MACROD2: variants seen among roughly 807,000 people sequenced by gnomAD.
MACROD2 encodes the protein mono-ADP ribosylhydrolase 2, also known as ADP-ribose glycohydrolase MACROD2.
MACROD2 carries 36 observed loss-of-function variants against 70.4 expected under a neutral mutation model. The observed-to-expected ratio is 0.51, with a 90% CI of 0.39 to 0.68. The LOEUF is 0.68. MACROD2 is among the 30% of genes least tolerant of loss of function. The pLI is 0.00. For missense variants in MACROD2, 496 were observed against 538.4 expected (o/e 0.92, Z 0.78); for synonymous variants, 172 against 178.8 (o/e 0.96, Z 0.30).
intron 8 of MACROD2, among the ~76,000 whole-genome samples, chr20:15,577,090 G>A (rs993465989): frequency 5.9e-5 from 9 of 151,886 alleles, no homozygotes; most frequent in Admixed American, 4.6e-4. Context: ...GTCATATTAC[G>A]AATGCAAAAT....
intron 3 of MACROD2, among the ~76,000 whole-genome samples, chr20:14,121,099 ATTAGC>A (rs2054583340): frequency 6.6e-6 from 1 of 152,152 alleles, no homozygotes; most frequent in Admixed American, 6.5e-5. Context: ...TATTGTTTCT[ATTAGC>A]TTAAGTTAAG....
intron 3 of MACROD2, among the ~76,000 whole-genome samples, chr20:14,473,882 G>A (rs2084559288): frequency 6.6e-6 from 1 of 151,908 alleles, no homozygotes; most frequent in Non-Finnish European, 1.5e-5. Flanking sequence ...GTTTTTATAT[G>A]CATTTCCCTG....
At chr20:15,669,070 T>C (rs1252907004) in intron 8 of MACROD2, among the ~76,000 whole-genome samples, 1 of 152,176 alleles carries the variant, frequency 6.6e-6, no homozygotes, top group Non-Finnish European at 1.5e-5. Context: ...TAAAACAATA[T>C]ATACTCCAAC....
chr20:14,279,127 T>G (rs1230472944), intron 3 of MACROD2, among the ~76,000 whole-genome samples: 2 of 152,190 alleles, frequency 1.3e-5, no homozygotes, highest in Non-Finnish European at 2.9e-5. Context: ...ATTGATGTGT[T>G]GTACATGGGG....
intron 3 of MACROD2, among the ~76,000 whole-genome samples, chr20:14,102,418 G>T (rs1038549308): frequency 2.0e-5 from 3 of 151,988 alleles, no homozygotes; most frequent in African/African-American, 7.3e-5. Context: ...TCTTAATTTG[G>T]GATAACCATC....
At chr20:14,364,889 A>T (rs1474093538) in intron 3 of MACROD2, among the ~76,000 whole-genome samples, 1 of 152,152 alleles carries the variant, frequency 6.6e-6, no homozygotes, top group Non-Finnish European at 1.5e-5. Flanking sequence ...ATTTTGTTGA[A>T]AACTTTTTTT....
At chr20:15,710,603 G>A (rs2050612450) in intron 8 of MACROD2, among the ~76,000 whole-genome samples, 1 of 152,102 alleles carries the variant, frequency 6.6e-6, no homozygotes, top group Non-Finnish European at 1.5e-5. Flanking sequence ...AAGTGTTTAT[G>A]GGCGTGAAAA....
chr20:14,047,282 T>TA (rs1056192139), intron 2 of MACROD2, among the ~76,000 whole-genome samples: 5 of 151,852 alleles, frequency 3.3e-5, no homozygotes, highest in African/African-American at 7.3e-5. Context: ...CCGTCTCTAC[T>TA]AAAAAAACCC....
At chr20:14,588,291 T>C (rs1981522319) in intron 4 of MACROD2, among the ~76,000 whole-genome samples, 1 of 152,192 alleles carries the variant, frequency 6.6e-6, no homozygotes, top group Non-Finnish European at 1.5e-5. Flanking sequence ...ATTTTCAGAA[T>C]TACTGGCAAA....
At chr20:15,154,980 AT>A (rs2076296881) in intron 5 of MACROD2, among the ~76,000 whole-genome samples, 1 of 152,178 alleles carries the variant, frequency 6.6e-6, no homozygotes, top group African/African-American at 2.4e-5. Flanking sequence ...GGTTCTTATT[AT>A]GGCTGAAATC....
intron 3 of MACROD2, among the ~76,000 whole-genome samples, chr20:14,417,516 T>C (rs2083822820): frequency 1.3e-5 from 2 of 152,218 alleles, no homozygotes; most frequent in Non-Finnish European, 2.9e-5. Flanking sequence ...TAATATTATT[T>C]CTTTATATCC....
chr20:14,471,753 A>T (rs893777348), intron 3 of MACROD2, among the ~76,000 whole-genome samples: 6 of 152,164 alleles, frequency 3.9e-5, no homozygotes, highest in African/African-American at 1.4e-4. Flanking sequence ...ACGTGTAGTT[A>T]TCTGACATAG....
At chr20:14,135,524 A>G (rs2054783432) in intron 3 of MACROD2, among the ~76,000 whole-genome samples, 1 of 152,020 alleles carries the variant, frequency 6.6e-6, no homozygotes, top group South Asian at 2.1e-4. Context: ...TTTTAAATAA[A>G]TTAGCTGGGC....
At chr20:14,960,912 C>T (rs988260005) in intron 5 of MACROD2, among the ~76,000 whole-genome samples, 6 of 152,130 alleles carry the variant, frequency 3.9e-5, no homozygotes, top group East Asian at 3.8e-4. Flanking sequence ...TATATATCTC[C>T]GCTCACATTT....
intron 4 of MACROD2, among the ~76,000 whole-genome samples, chr20:14,625,314 C>T (rs956028799): frequency 7.3e-5 from 11 of 150,346 alleles, no homozygotes; most frequent in Admixed American, 2.7e-4. Context: ...GTGACAAGAG[C>T]GAAACTCAGT....
chr20:15,650,831 G>A (rs1392336445), intron 8 of MACROD2, among the ~76,000 whole-genome samples: 3 of 152,030 alleles, frequency 2.0e-5, no homozygotes, highest in African/African-American at 7.2e-5. Context: ...AACCCCTTGC[G>A]CTTGCCATTC....
At chr20:14,198,587 C>T (rs1045191305) in intron 3 of MACROD2, among the ~76,000 whole-genome samples, 1 of 152,168 alleles carries the variant, frequency 6.6e-6, no homozygotes, top group Non-Finnish European at 1.5e-5. Flanking sequence ...TGTTAATAAA[C>T]CCAGGTCATC....
At chr20:15,204,098 A>G (rs1268361985) in intron 5 of MACROD2, among the ~76,000 whole-genome samples, 1 of 152,094 alleles carries the variant, frequency 6.6e-6, no homozygotes, top group Non-Finnish European at 1.5e-5. Context: ...TTTATTAATC[A>G]TAATTTTTTG....
chr20:15,640,717 T>C (rs6135475), intron 8 of MACROD2, among the ~76,000 whole-genome samples: 79,004 of 152,070 alleles, frequency 0.52, 22,329 homozygotes, highest in Non-Finnish European at 0.64. Flanking sequence ...GAACTGCTCT[T>C]CTCCTCAAAC....
Sources: gnomAD v4.1 joint callset for allele counts (sites outside exome capture counted in the v4.1 genomes callset) on GRCh38, gnomAD v4.1.1 for gene constraint, MANE v1.5 for transcripts, NCBI Gene and HGNC (gene_info 2026-07-23, HGNC 2026-07-21) for gene names.